The following ASCC3 variants were observed in gnomAD, a reference collection of about 807,000 sequenced individuals.
The protein encoded by ASCC3 is ASC-1 complex subunit P200.
ASCC3 carries 158 observed loss-of-function variants against 256.3 expected under a neutral mutation model. The ratio of observed to expected loss-of-function variants is 0.62; its 90% CI spans 0.54 to 0.70. The LOEUF (loss-of-function observed/expected upper bound fraction) is 0.70. Ranked by LOEUF, ASCC3 falls within the 30% of genes least tolerant of loss-of-function variation. The pLI is 0.00. For synonymous variants in ASCC3, 948 were observed against 883.4 expected (o/e 1.07, Z -1.30); for missense variants, 2,259 against 2,626.0 (o/e 0.86, Z 3.05).
In ASCC3 at chr6:100,593,218, A is replaced by G. The variant is rs72939384; in HGVS notation, c.5304-3159T>C. ...AATTACAGGCTGTTTGAACACAACA[A>G]TTACTAGTCCCCTGAGAGGTGTGAA... On this transcript the variant is annotated intron_variant, in intron 34 of 41. Transcript: ENST00000369162. Among the ~76,000 whole-genome samples the G allele has an allele frequency of 4.6e-3, 694 of 152,222 alleles. 6 individuals carry two copies. The highest frequency in any genetic ancestry group is 8.2e-3 in the Non-Finnish European group (559 of 67,984).
chr6:100,510,353 A>C, intron 40 of ASCC3: 1 of 452,864 alleles, frequency 2.2e-6, no homozygotes. Flanking sequence ...ATCAGAATAT[A>C]TGGCCAGTTA....
At chr6:100,556,696 C>T (rs1447080747) in intron 36 of ASCC3, among the ~76,000 whole-genome samples, 1 of 151,890 alleles carries the variant, frequency 6.6e-6, no homozygotes, top group Admixed American at 6.6e-5. Flanking sequence ...TGGTTTAAAA[C>T]AGATTAATTG....
At chr6:100,686,373 T>G (rs1185687627) in intron 13 of ASCC3, among the ~76,000 whole-genome samples, 1 of 152,218 alleles carries the variant, frequency 6.6e-6, no homozygotes, top group Non-Finnish European at 1.5e-5. Context: ...CCCTTCCCTC[T>G]AACCTAGTAG....
chr6:100,606,725 A>G lies in ASCC3; in HGVS notation c.5044+15T>C, dbSNP rs761206849. 31 of 1,587,572 alleles carry G rather than the reference A, an allele frequency of 2.0e-5. No homozygotes were observed. The South Asian group carries it at 3.7e-4, about 19-fold the overall frequency. On this transcript the variant is annotated intron_variant, in intron 32 of 41. Transcript: ENST00000369162. The stretch of plus-strand genomic sequence containing the variant: ...AATAGAGCTTCATGTATTTCTGTGA[A>G]TTTAAGAAAATTACCTGTAATGGGA...
chr6:100,714,800 T>C (rs946570886), intron 13 of ASCC3, among the ~76,000 whole-genome samples: 1 of 152,070 alleles, frequency 6.6e-6, no homozygotes, highest in Non-Finnish European at 1.5e-5. Flanking sequence ...AGTGTTCCAA[T>C]GTTTAAGGAG....
intron 37 of ASCC3, among the ~76,000 whole-genome samples, chr6:100,526,466 A>G (rs1474158882): frequency 6.6e-6 from 1 of 152,200 alleles, no homozygotes; most frequent in Non-Finnish European, 1.5e-5. Context: ...TTACAGGTAA[A>G]GTCACCCAGA....
chr6:100,751,025 C>T (rs889741692), intron 10 of ASCC3, among the ~76,000 whole-genome samples: 29 of 152,116 alleles, frequency 1.9e-4, no homozygotes, highest in African/African-American at 6.7e-4. Flanking sequence ...CTAATTCAAA[C>T]TCTAGTGGGA....
At chr6:100,550,340 T>A (rs1008864364) in intron 36 of ASCC3, among the ~76,000 whole-genome samples, 8 of 151,898 alleles carry the variant, frequency 5.3e-5, no homozygotes, top group Non-Finnish European at 1.2e-4. Context: ...AATTAGATAA[T>A]CTACTTTCTT....
chr6:100,859,192 A>G (rs1773105301), intron 3 of ASCC3: 2 of 779,856 alleles, frequency 2.6e-6, no homozygotes, highest in East Asian at 2.4e-5. Context: ...TCTGGAATGG[A>G]CAATTCACTT....
chr6:100,677,250 C>G (rs1348308317), intron 14 of ASCC3, among the ~76,000 whole-genome samples: 1 of 151,802 alleles, frequency 6.6e-6, no homozygotes, highest in Admixed American at 6.6e-5. Context: ...TTATAATATG[C>G]ACTGTGGAGG....
intron 36 of ASCC3, among the ~76,000 whole-genome samples, chr6:100,549,813 A>AT (rs1427669411): frequency 2.0e-5 from 3 of 152,032 alleles, no homozygotes; most frequent in Non-Finnish European, 4.4e-5. Flanking sequence ...GGAATAAGAC[A>AT]TTCTACAGAG....
intron 17 of ASCC3, 35 bp from the exon 18 acceptor site, chr6:100,652,924 C>A: frequency 1.9e-6 from 3 of 1,582,722 alleles, no homozygotes; most frequent in Non-Finnish European, 2.6e-6. Flanking sequence ...TTGAATAGTG[C>A]TTTAGAGAGT....
At chr6:100,858,881 C>T in intron 3 of ASCC3, 1 of 482,660 alleles carries the variant, frequency 2.1e-6, no homozygotes, top group South Asian at 2.6e-5. Flanking sequence ...ATTCAAGAGT[C>T]AATCAAGGAT....
At chr6:100,626,274 TA>T (rs1040383903) in intron 29 of ASCC3, among the ~76,000 whole-genome samples, 5 of 152,064 alleles carry the variant, frequency 3.3e-5, no homozygotes, top group African/African-American at 1.2e-4. Context: ...AAATTTTATA[TA>T]AAAAGTTCAA....
chr6:100,578,334 G>A (rs2114739654), intron 36 of ASCC3, among the ~76,000 whole-genome samples: 1 of 152,120 alleles, frequency 6.6e-6, no homozygotes. Context: ...TGTGTGTTGT[G>A]GTGGTTTGGG....
intron 13 of ASCC3, among the ~76,000 whole-genome samples, chr6:100,687,475 C>T (rs1426996071): frequency 6.6e-6 from 1 of 151,982 alleles, no homozygotes; most frequent in East Asian, 1.9e-4. Flanking sequence ...GATTCTCCTG[C>T]CTCAGCCTCC....
Position 100,616,700 on chromosome 6 carries a change from C to T in ASCC3, c.4785+8492G>A, listed in dbSNP as rs563647414. ...GTAGACTTTAGAGCACAACTTAAAA[C>T]ATTCATGGCAAAAGGCCTTGCAGAA... is the stretch of plus-strand genomic sequence containing the variant. On this transcript the variant is annotated intron_variant, in intron 30 of 41. Coordinates refer to ENST00000369162, the MANE Select transcript of ASCC3 (RefSeq NM_006828.4). 7.4e-4 allele frequency among the ~76,000 whole-genome samples: 112 copies of T among 152,272 alleles called. 4 individuals carry two copies. Among genetic ancestry groups the T allele is most frequent in the Admixed American group, 5.9e-4 (9 of 15,284 alleles).
chr6:100,759,002 G>A (rs1171843486), intron 10 of ASCC3, among the ~76,000 whole-genome samples: 1 of 152,154 alleles, frequency 6.6e-6, no homozygotes. Flanking sequence ...GTGATTTTGA[G>A]CTGTTTTACA....
chr6:100,510,190 T>C, intron 40 of ASCC3, 83 bp from the exon 41 acceptor site: 2 of 1,419,274 alleles, frequency 1.4e-6, no homozygotes, highest in Non-Finnish European at 2.0e-6. Flanking sequence ...TACGTTGTCT[T>C]ACTTGAAGGC....
Sources: allele counts gnomAD v4.1 joint callset (sites outside exome capture counted in the v4.1 genomes callset), GRCh38; gene constraint gnomAD v4.1.1; transcripts MANE v1.5; gene names NCBI Gene and HGNC (gene_info 2026-07-23, HGNC 2026-07-21).